Variants in CTNNA2 observed in about 807,000 individuals in gnomAD.
CTNNA2 encodes the protein catenin alpha 2.
Under a neutral mutation model 101.0 loss-of-function variants are expected in CTNNA2, and 42 were observed. That is an observed-to-expected ratio of 0.42 (90% confidence interval 0.32 to 0.54). The LOEUF is 0.54. Among genes scored for constraint, CTNNA2 ranks in the 20% least tolerant of loss-of-function variants. The probability of loss-of-function intolerance (pLI) is 0.14; values close to 1 mark genes in which losing one functional copy is unlikely to be tolerated. For synonymous variants in CTNNA2, 450 were observed against 456.4 expected, an observed-to-expected ratio of 0.99 and a Z score of 0.18; for missense variants, 871 against 1,223.1, an observed-to-expected ratio of 0.71 and a Z score of 4.29.
At chr2:80,207,671 G>A (rs1364354081) in intron 7 of CTNNA2, among the ~76,000 whole-genome samples, 1 of 152,186 alleles carries the variant, frequency 6.6e-6, no homozygotes, top group Non-Finnish European at 1.5e-5. Context: ...TTGAGGGCAT[G>A]CAGGCAGAGT....
At chr2:79,638,770 A>G (rs972629218) in intron 1 of CTNNA2, among the ~76,000 whole-genome samples, 3 of 151,904 alleles carry the variant, frequency 2.0e-5, no homozygotes, top group South Asian at 2.1e-4. Context: ...CTTTTAAAAT[A>G]AAATATAATA....
chr2:80,159,604 A>G (rs1424233333), intron 7 of CTNNA2, among the ~76,000 whole-genome samples: 1 of 152,076 alleles, frequency 6.6e-6, no homozygotes, highest in Non-Finnish European at 1.5e-5. Flanking sequence ...CAGCCTCCCA[A>G]GTAGCTGGGA....
chr2:80,259,060 T>G (rs1179045831), intron 7 of CTNNA2, among the ~76,000 whole-genome samples: 5 of 152,098 alleles, frequency 3.3e-5, no homozygotes. Flanking sequence ...TGAAACCCTG[T>G]CCCAGCCTTT....
intron 7 of CTNNA2, among the ~76,000 whole-genome samples, chr2:80,082,929 C>T (rs1699234369): frequency 6.6e-6 from 1 of 152,098 alleles, no homozygotes; most frequent in South Asian, 2.1e-4. Flanking sequence ...AAAAGGTAAC[C>T]TCCCATGCTC....
rs372221206 is a variant in CTNNA2 at position 80,093,302 on chromosome 2, G to C, written c.1056+183505G>C. Among the ~76,000 whole-genome samples the C allele has an allele frequency of 2.0e-5, 3 of 152,076 alleles. No homozygotes were observed. In the East Asian group the frequency reaches 5.8e-4, roughly 29 times the overall value. On this transcript the variant is annotated intron_variant, in intron 7 of 18. Transcript: ENST00000402739. ...AGTTTGCTGAGAATGATGGTTTCCA[G>C]CTTCATCCATGTCCCTACAAAGGAC...
At chr2:80,504,363 T>C (rs1688108985) in intron 9 of CTNNA2, among the ~76,000 whole-genome samples, 1 of 152,202 alleles carries the variant, frequency 6.6e-6, no homozygotes, top group Non-Finnish European at 1.5e-5. Flanking sequence ...TGACCATCTT[T>C]TGAAAGGGCT....
chr2:79,642,006 A>G (rs1443103092), intron 1 of CTNNA2, among the ~76,000 whole-genome samples: 1 of 152,204 alleles, frequency 6.6e-6, no homozygotes, highest in Admixed American at 6.5e-5. Context: ...TCACCTTGAA[A>G]GACTTGAGGC....
At chr2:80,235,336 T>C (rs1245455819) in intron 7 of CTNNA2, among the ~76,000 whole-genome samples, 1 of 152,214 alleles carries the variant, frequency 6.6e-6, no homozygotes, top group Non-Finnish European at 1.5e-5. Context: ...CCTGACACTG[T>C]ACTAAACACT....
Position 79,242,993 on chromosome 2 carries a change from TAC to T in CTNNA2, c.-406+44952_-406+44953del, listed in dbSNP as rs1161415099. On this transcript the variant is annotated intron_variant, in intron 2 of 21. Coordinates refer to the CTNNA2 transcript ENST00000466387. ...AAATATATATATATATATATATATATACACACACACACACACACACACACACA... is the reference window on the plus strand; with the variant it reads ...AAATATATATATATATATATATATATACACACACACACACACACACACACA... Among the ~76,000 whole-genome samples, 1,132 of 116,652 alleles carry T rather than the reference TAC, an allele frequency of 9.7e-3. 15 individuals are homozygous for T. Among genetic ancestry groups the T allele is most frequent in the Middle Eastern group, 0.016 (3 of 186 alleles). 76.5% of individuals were successfully genotyped at this position (116,652 alleles called of 152,430 possible).
At chr2:79,936,341 G>A (rs972447450) in intron 7 of CTNNA2, among the ~76,000 whole-genome samples, 9 of 151,204 alleles carry the variant, frequency 6.0e-5, no homozygotes, top group Admixed American at 1.3e-4. Flanking sequence ...TACAGTTTAC[G>A]GTATTATTTA....
chr2:79,496,913 A>G (rs1671262330), intron 4 of CTNNA2, among the ~76,000 whole-genome samples: 1 of 152,180 alleles, frequency 6.6e-6, no homozygotes, highest in Non-Finnish European at 1.5e-5. Flanking sequence ...TGCTTTCTTT[A>G]CTTTGAGAAA....
intron 16 of CTNNA2, among the ~76,000 whole-genome samples, chr2:80,606,395 C>T (rs2149780614): frequency 8.3e-6 from 1 of 120,816 alleles, no homozygotes; most frequent in East Asian, 2.4e-4. Context: ...CACACACACA[C>T]ACACACACAC....
intron 3 of CTNNA2, among the ~76,000 whole-genome samples, chr2:79,833,764 C>G (rs1679101242): frequency 6.6e-6 from 1 of 152,190 alleles, no homozygotes; most frequent in African/African-American, 2.4e-5. Context: ...ATAGAGCAGT[C>G]TTGCCATGAA....
At chr2:79,566,283 C>G (rs972011105) in intron 1 of CTNNA2, among the ~76,000 whole-genome samples, 1 of 152,124 alleles carries the variant, frequency 6.6e-6, no homozygotes, top group African/African-American at 2.4e-5. Flanking sequence ...TGCCTTCTGA[C>G]CTTTTCCAAC....
At chr2:79,817,905 C>A (rs957351262) in intron 3 of CTNNA2, among the ~76,000 whole-genome samples, 3 of 152,138 alleles carry the variant, frequency 2.0e-5, no homozygotes, top group Admixed American at 6.5e-5. Context: ...ATGTAAATAA[C>A]CCCCTCTCCC....
At chr2:80,613,426 T>A (rs1698617627) in intron 17 of CTNNA2, among the ~76,000 whole-genome samples, 1 of 151,450 alleles carries the variant, frequency 6.6e-6, no homozygotes. Flanking sequence ...ATAGGAATTT[T>A]AATGAGAAAG....
intron 4 of CTNNA2, among the ~76,000 whole-genome samples, chr2:79,461,612 G>A (rs1670880217): frequency 6.6e-6 from 1 of 152,076 alleles, no homozygotes; most frequent in South Asian, 2.1e-4. Context: ...GAGCTGGGCA[G>A]GCACCCAGGC....
At chr2:80,136,844 C>T (rs937177519) in intron 7 of CTNNA2, among the ~76,000 whole-genome samples, 8 of 152,138 alleles carry the variant, frequency 5.3e-5, no homozygotes, top group African/African-American at 1.9e-4. Context: ...ATTGCCTCTG[C>T]CCAACCTCTT....
At chr2:80,464,351 TA>T (rs1308914391) in intron 9 of CTNNA2, among the ~76,000 whole-genome samples, 1 of 152,206 alleles carries the variant, frequency 6.6e-6, no homozygotes. Context: ...GACATTGGGT[TA>T]AAACTGATTC....
Sources: gnomAD v4.1 joint callset for allele counts (sites outside exome capture counted in the v4.1 genomes callset) on GRCh38, gnomAD v4.1.1 for gene constraint, MANE v1.5 for transcripts, NCBI Gene and HGNC (gene_info 2026-07-23, HGNC 2026-07-21) for gene names.